The following ADGRB3 variants were observed in gnomAD, a reference collection of about 807,000 sequenced individuals.
ADGRB3 encodes the protein adhesion G protein-coupled receptor B3.
In ADGRB3, 37 loss-of-function variants were observed where a neutral mutation model predicts 193.4. The observed-to-expected ratio is 0.19, with a 90% CI of 0.15 to 0.25. The LOEUF is 0.25. Ranked by LOEUF, ADGRB3 falls within the 10% of genes least tolerant of loss-of-function variation. The pLI is 1.00. For synonymous variants in ADGRB3, 690 were observed against 644.2 expected (o/e 1.07, Z -1.08); for missense variants, 1,637 against 1,852.9 (o/e 0.88, Z 2.14).
At chr6:68,912,160 G>T (rs1180909082) in intron 3 of ADGRB3, among the ~76,000 whole-genome samples, 2 of 151,736 alleles carry the variant, frequency 1.3e-5, no homozygotes, top group Non-Finnish European at 2.9e-5. Flanking sequence ...ATTAAGCTTG[G>T]ATTCAGAAAA....
At chr6:69,245,404 A>AAAC (rs1766478410) in intron 20 of ADGRB3, among the ~76,000 whole-genome samples, 1 of 152,024 alleles carries the variant, frequency 6.6e-6, no homozygotes, top group Non-Finnish European at 1.5e-5. Context: ...AGATTTTTTT[A>AAAC]TTCACTGCTT....
intron 17 of ADGRB3, among the ~76,000 whole-genome samples, chr6:69,194,398 A>G (rs1026902962): frequency 1.3e-5 from 2 of 152,100 alleles, no homozygotes; most frequent in African/African-American, 4.8e-5. Flanking sequence ...ACTGGATGCT[A>G]TGGTTAGATG....
chr6:69,330,473 T>G (rs1768693056), intron 22 of ADGRB3, 33 bp from the exon 23 acceptor site: 1 of 1,567,026 alleles, frequency 6.4e-7, no homozygotes. Context: ...TTGTCACTAA[T>G]TTTTGTTAGT....
chr6:69,293,831 G>A (rs1343374282), intron 20 of ADGRB3, among the ~76,000 whole-genome samples: 2 of 152,070 alleles, frequency 1.3e-5, no homozygotes, highest in Non-Finnish European at 2.9e-5. Context: ...GAAGGGGGTG[G>A]GGGGATGGGA....
At chr6:69,221,071 G>T (rs1234057456) in intron 17 of ADGRB3, among the ~76,000 whole-genome samples, 1 of 151,862 alleles carries the variant, frequency 6.6e-6, no homozygotes, top group African/African-American at 2.4e-5. Flanking sequence ...ATCCCAGTGT[G>T]CAGTACTGTC....
At chr6:68,800,280 C>T (rs1767286860) in intron 3 of ADGRB3, among the ~76,000 whole-genome samples, 1 of 152,114 alleles carries the variant, frequency 6.6e-6, no homozygotes. Context: ...ATGGGAAGAG[C>T]AAAGTTCTGG....
intron 3 of ADGRB3, among the ~76,000 whole-genome samples, chr6:68,840,369 C>CTTTTTTTTTTTTTTTTTTTT (rs752625602): frequency 2.9e-5 from 2 of 69,426 alleles, no homozygotes; most frequent in Non-Finnish European, 4.9e-5. Flanking sequence ...ACTGGGCAGT[C>CTTTTTTTTTTTTTTTTTTTT]TTTTTTTTTT....
At chr6:69,071,034 G>A (rs1772064346) in intron 16 of ADGRB3, among the ~76,000 whole-genome samples, 1 of 152,124 alleles carries the variant, frequency 6.6e-6, no homozygotes, top group Non-Finnish European at 1.5e-5. Flanking sequence ...CTTCACTATG[G>A]TGAAATACAT....
At chr6:69,289,924 G>A (rs1331525313) in intron 20 of ADGRB3, among the ~76,000 whole-genome samples, 1 of 152,002 alleles carries the variant, frequency 6.6e-6, no homozygotes, top group Non-Finnish European at 1.5e-5. Context: ...CCTCTTCTCA[G>A]AAGTGTGCAC....
intron 3 of ADGRB3, among the ~76,000 whole-genome samples, chr6:68,823,500 T>C (rs1285909385): frequency 6.6e-6 from 1 of 152,012 alleles, no homozygotes; most frequent in African/African-American, 2.4e-5. Context: ...ATGCAGAAGA[T>C]AATATGTTTT....
At chr6:68,832,748 G>A (rs141310182) in intron 3 of ADGRB3, among the ~76,000 whole-genome samples, 1,592 of 152,176 alleles carry the variant, frequency 0.01, 26 homozygotes, top group African/African-American at 0.036. Flanking sequence ...ATTTGCAGCT[G>A]TGCAATATTG....
At position 68,639,204 on chromosome 6, in the gene ADGRB3, A is replaced by G. The variant is rs2127274402; in HGVS notation, c.529A>G (p.Ser177Gly). The change falls in exon 3 of 32, where the codon AGC becomes GGC. Residue 177 changes from serine to glycine, a missense_variant. Coordinates refer to ENST00000370598, the MANE Select transcript of ADGRB3 (RefSeq NM_001704.3). ...GCHVLCTWLE[S>G]CLKSENGRTE... ...CCATGTATTATGTACTTGGTTGGAGAGCTGCTTAAAATCAGAAAATGGGAG... is the reference window on the plus strand; with the variant it reads ...CCATGTATTATGTACTTGGTTGGAGGGCTGCTTAAAATCAGAAAATGGGAG... 6.2e-7 allele frequency: 1 copy of G among 1,614,132 alleles called. No homozygotes were observed. The highest frequency in any genetic ancestry group is 1.1e-5 in the South Asian group (1 of 91,080).
rs1394930319 is a variant in ADGRB3, at chr6:68,945,102, A to G, written c.1195+1108A>G. On this transcript the variant is annotated intron_variant, in intron 6 of 31. Transcript: ENST00000370598. ...GTTTTAAATATATAAAACGTGAAGA[A>G]TATGAAAAACAATCCAATGTGTAGA... 7.9e-5 allele frequency among the ~76,000 whole-genome samples: 12 copies of G among 152,320 alleles called. No homozygotes were observed. The East Asian group carries it at 2.3e-3, about 29-fold the overall frequency.
rs187765432 is a variant in ADGRB3 at position 69,260,488 on chromosome 6, C to A, written c.2814+21262C>A. On this transcript the variant is annotated intron_variant, in intron 20 of 31. Coordinates refer to ENST00000370598, the MANE Select transcript of ADGRB3 (RefSeq NM_001704.3). ...CTTCTAGACGCTATTTCAGAGTCAACTTGGCATAGCAAAAATGGTTCTTGT... is the reference window on the plus strand; with the variant it reads ...CTTCTAGACGCTATTTCAGAGTCAAATTGGCATAGCAAAAATGGTTCTTGT... Among the ~76,000 whole-genome samples, 218 of 152,258 alleles carry A rather than the reference C, an allele frequency of 1.4e-3. 1 individual carries two copies. Among genetic ancestry groups the A allele is most frequent in the African/African-American group, 2.9e-3 (122 of 41,550 alleles).
At chr6:68,927,522 T>C (rs1331629326) in intron 3 of ADGRB3, among the ~76,000 whole-genome samples, 1 of 152,134 alleles carries the variant, frequency 6.6e-6, no homozygotes, top group Non-Finnish European at 1.5e-5. Context: ...GTTTTTAAAA[T>C]ACCCCATTGC....
chr6:69,005,115 A>C (rs182338389), intron 11 of ADGRB3, among the ~76,000 whole-genome samples: 2 of 152,248 alleles, frequency 1.3e-5, no homozygotes, highest in South Asian at 4.1e-4. Context: ...TTTTTATAAC[A>C]TTGGGTGTTC....
At chr6:69,320,475 CTTATTG>C (rs1364137950) in intron 20 of ADGRB3, among the ~76,000 whole-genome samples, 2 of 151,452 alleles carry the variant, frequency 1.3e-5, no homozygotes, top group Non-Finnish European at 3.0e-5. Context: ...TCTTGGACTT[CTTATTG>C]TTAGTGGTTT....
intron 20 of ADGRB3, among the ~76,000 whole-genome samples, chr6:69,261,935 G>T (rs1482267238): frequency 6.6e-6 from 1 of 152,024 alleles, no homozygotes; most frequent in Non-Finnish European, 1.5e-5. Flanking sequence ...TCTAATTTAT[G>T]ATTAGAGGGT....
At chr6:68,810,407 C>T (rs1767487880) in intron 3 of ADGRB3, among the ~76,000 whole-genome samples, 2 of 152,284 alleles carry the variant, frequency 1.3e-5, no homozygotes, top group East Asian at 3.9e-4. Flanking sequence ...CTGGACAAGG[C>T]CTACCACAAA....
Sources: gnomAD v4.1 joint callset for allele counts (sites outside exome capture counted in the v4.1 genomes callset) on GRCh38, gnomAD v4.1.1 for gene constraint, MANE v1.5 for transcripts, NCBI Gene and HGNC (gene_info 2026-07-23, HGNC 2026-07-21) for gene names.